Variants in NRG3 observed in about 807,000 individuals in gnomAD.
NRG3 encodes neuregulin 3.
NRG3 carries 31 observed loss-of-function variants against 66.9 expected under a neutral mutation model. The ratio of observed to expected loss-of-function variants is 0.46; its 90% CI spans 0.35 to 0.63. NRG3 has a LOEUF of 0.63. Among genes scored for constraint, NRG3 ranks in the 20% least tolerant of loss-of-function variants. The pLI is 0.00. For missense variants in NRG3, 910 were observed against 878.9 expected (o/e 1.04, Z -0.45); for synonymous variants, 393 against 359.4 (o/e 1.09, Z -1.06).
intron 1 of NRG3, among the ~76,000 whole-genome samples, chr10:82,104,536 G>A (rs1475331301): frequency 1.3e-5 from 2 of 152,144 alleles, no homozygotes; most frequent in African/African-American, 4.8e-5. Flanking sequence ...ACTGTTCTTA[G>A]ACAAGATAAA....
At chr10:82,924,492 G>T (rs1208448895) in intron 4 of NRG3, among the ~76,000 whole-genome samples, 2 of 151,008 alleles carry the variant, frequency 1.3e-5, no homozygotes, top group Non-Finnish European at 2.9e-5. Context: ...AAGCAAATCA[G>T]ACACATTCCA....
chr10:82,367,389 A>T, intron 2 of NRG3, among the ~76,000 whole-genome samples: 1 of 152,188 alleles, frequency 6.6e-6, no homozygotes, highest in Non-Finnish European at 1.5e-5. Flanking sequence ...CACCTTGAAA[A>T]TTACTGGAGT....
chr10:82,548,124 T>C (rs2044054357), intron 2 of NRG3, among the ~76,000 whole-genome samples: 1 of 151,678 alleles, frequency 6.6e-6, no homozygotes. Context: ...TAACTGGTTA[T>C]GAAATTCTTC....
chr10:82,197,064 G>C (rs933682553), intron 1 of NRG3, among the ~76,000 whole-genome samples: 1 of 152,098 alleles, frequency 6.6e-6, no homozygotes, highest in Non-Finnish European at 1.5e-5. Flanking sequence ...AGAAAATGCT[G>C]TCCGTCTTGA....
Position 82,979,020 on chromosome 10 carries a change from C to A in NRG3, c.1483C>A (p.Pro495Thr), listed in dbSNP as rs764664070. Residue 495 changes from proline to threonine, a missense_variant, in exon 8 of 9, where the codon CCC becomes ACC. Coordinates refer to ENST00000372141, the MANE Select transcript of NRG3 (RefSeq NM_001010848.4). Reference protein sequence around the residue: ...MLHRNAFRRTPPSPRSRLGGI... With the variant: ...MLHRNAFRRTTPSPRSRLGGI... ...CCATAGGAATGCCTTCAGAAGGACA[C>A]CCCCGTCACCCCGAAGTAGGCTAGG... is the stretch of plus-strand genomic sequence containing the variant. 2.5e-6 allele frequency: 4 copies of A among 1,613,938 alleles called. No homozygotes were observed. The South Asian group carries it at 4.4e-5, about 18-fold the overall frequency.
chr10:82,204,175 A>G (rs566044291), intron 1 of NRG3, among the ~76,000 whole-genome samples: 10 of 152,312 alleles, frequency 6.6e-5, no homozygotes, highest in African/African-American at 2.2e-4. Context: ...CAGGAGCTTT[A>G]TAGAATCTGA....
intron 1 of NRG3, among the ~76,000 whole-genome samples, chr10:82,052,400 C>G (rs911940827): frequency 2.0e-5 from 3 of 147,518 alleles, no homozygotes; most frequent in Admixed American, 1.4e-4. Context: ...CAGTGACAGC[C>G]AACCACATTC....
intron 2 of NRG3, among the ~76,000 whole-genome samples, chr10:82,655,519 T>C (rs548588008): frequency 6.6e-6 from 1 of 152,222 alleles, no homozygotes; most frequent in Non-Finnish European, 1.5e-5. Flanking sequence ...GTTCACGGGA[T>C]TGGAAGAATG....
intron 2 of NRG3, among the ~76,000 whole-genome samples, chr10:82,374,514 G>T (rs902246048): frequency 3.9e-5 from 6 of 152,158 alleles, no homozygotes; most frequent in African/African-American, 1.2e-4. Context: ...CAATAATCAC[G>T]CATTCATTGT....
intron 2 of NRG3, among the ~76,000 whole-genome samples, chr10:82,700,368 C>T (rs2055768326): frequency 6.6e-6 from 1 of 152,178 alleles, no homozygotes. Flanking sequence ...ATTATTAATG[C>T]ATCACTTTGA....
At chr10:82,175,300 C>T (rs1312016090) in intron 1 of NRG3, among the ~76,000 whole-genome samples, 1 of 152,096 alleles carries the variant, frequency 6.6e-6, no homozygotes, top group Non-Finnish European at 1.5e-5. Context: ...AAAGACAAAC[C>T]TGATCTTGTC....
chr10:82,530,976 A>G lies in NRG3; in HGVS notation c.953+172108A>G, dbSNP rs529822783. 5.3e-4 allele frequency among the ~76,000 whole-genome samples: 80 copies of G among 151,974 alleles called. 1 individual carries two copies. The highest frequency in any genetic ancestry group is 2.7e-3 in the Admixed American group (41 of 15,264). ...CATCTTGTTAAAATTATTAACAAAG[A>G]AAGGTACTGTAAATTGAAGTAAAAA... On this transcript the variant is annotated intron_variant, in intron 2 of 8. Transcript: ENST00000372141.
chr10:82,149,689 G>A (rs957731662), intron 1 of NRG3, among the ~76,000 whole-genome samples: 8 of 150,502 alleles, frequency 5.3e-5, no homozygotes, highest in African/African-American at 2.0e-4. Context: ...AGTGGATGCT[G>A]GGAATTTAGA....
intron 2 of NRG3, among the ~76,000 whole-genome samples, chr10:82,509,402 G>T (rs1844969811): frequency 6.6e-6 from 1 of 152,088 alleles, no homozygotes; most frequent in Non-Finnish European, 1.5e-5. Flanking sequence ...TACATTTTCT[G>T]ATGTGAGTTA....
intron 1 of NRG3, among the ~76,000 whole-genome samples, chr10:82,196,459 G>A (rs1564652745): frequency 6.6e-6 from 1 of 152,078 alleles, no homozygotes; most frequent in Non-Finnish European, 1.5e-5. Context: ...GCAAGAGCTG[G>A]GTTCAGGTCT....
intron 1 of NRG3, among the ~76,000 whole-genome samples, chr10:82,190,233 C>T (rs2074058702): frequency 6.6e-6 from 1 of 151,702 alleles, no homozygotes; most frequent in South Asian, 2.1e-4. Context: ...CATTGCCTGT[C>T]ACAAAGTGAT....
chr10:82,170,654 G>GTGTATATATATATATATATA (rs1554839695), intron 1 of NRG3, among the ~76,000 whole-genome samples: 13 of 74,212 alleles, frequency 1.8e-4, no homozygotes, highest in Non-Finnish European at 3.1e-4. Flanking sequence ...AAAACTTGTG[G>GTGTATATATATATATATATA]TATATATATA....
At chr10:82,054,372 G>C (rs1007093818) in intron 1 of NRG3, among the ~76,000 whole-genome samples, 1 of 152,164 alleles carries the variant, frequency 6.6e-6, no homozygotes. Context: ...TAGTGGTAAG[G>C]TGTGATGGAG....
intron 2 of NRG3, among the ~76,000 whole-genome samples, chr10:82,498,382 G>T (rs779305254): frequency 2.0e-5 from 3 of 151,966 alleles, no homozygotes; most frequent in African/African-American, 7.3e-5. Flanking sequence ...ATATGAACTC[G>T]CAGGAAGCAG....
Sources: allele counts gnomAD v4.1 joint callset (sites outside exome capture counted in the v4.1 genomes callset), GRCh38; gene constraint gnomAD v4.1.1; transcripts MANE v1.5; gene names NCBI Gene and HGNC (gene_info 2026-07-23, HGNC 2026-07-21).